The following TOX2 variants were observed in gnomAD, a reference collection of about 807,000 sequenced individuals.
The protein encoded by TOX2 is granulosa cell HMG box 1.
TOX2 carries 15 observed loss-of-function variants against 47.4 expected under a neutral mutation model. The ratio of observed to expected loss-of-function variants is 0.32; its 90% CI spans 0.21 to 0.49. The LOEUF (loss-of-function observed/expected upper bound fraction) is 0.49, where lower values mean the gene tolerates loss of function less well. Ranked by LOEUF, TOX2 falls within the 20% of genes least tolerant of loss-of-function variation. The pLI is 0.99. For missense variants in TOX2, 622 were observed against 673.1 expected (o/e 0.92, Z 0.84); for synonymous variants, 290 against 296.6 (o/e 0.98, Z 0.23).
At chr20:43,945,961 C>G (rs1397155590) in intron 1 of TOX2, 1 of 1,614,098 alleles carries the variant, frequency 6.2e-7, no homozygotes, top group Non-Finnish European at 8.5e-7. Context: ...CTCTCGCTGC[C>G]TGGGCTTCTG....
At chr20:43,985,085 T>C (rs552496020) in intron 2 of TOX2, among the ~76,000 whole-genome samples, 7 of 152,196 alleles carry the variant, frequency 4.6e-5, no homozygotes, top group Non-Finnish European at 1.0e-4. Flanking sequence ...ACTGGGTTCT[T>C]ATCTTCTGGA....
intron 1 of TOX2, among the ~76,000 whole-genome samples, chr20:43,934,672 T>C (rs1436045307): frequency 2.0e-5 from 3 of 152,032 alleles, no homozygotes; most frequent in Non-Finnish European, 4.4e-5. Flanking sequence ...CATGGAGGGC[T>C]TTGGGGCAGG....
intron 1 of TOX2, among the ~76,000 whole-genome samples, chr20:43,940,475 C>T (rs148316924): frequency 3.3e-5 from 5 of 151,758 alleles, no homozygotes; most frequent in African/African-American, 4.8e-5. Context: ...CCTCCCATCT[C>T]GGCCTCACAA....
rs764418226 is a variant in TOX2, at chr20:44,066,738, G to A, written c.1365G>A (p.Pro455=). Residue 455 remains proline, a synonymous_variant, in exon 8 of 9, where the codon CCG becomes CCA. Transcript: ENST00000341197. ...SPSPPGPQDF[P]HISEFPSSSG... is the part of the protein sequence containing the mutation. ...TCCTTCCCACTCTGTAGGACTTCCC[G>A]CACATCTCTGAGTTCCCCAGCAGCT... 46 of 1,614,066 alleles carry A rather than the reference G, an allele frequency of 2.8e-5. No individual in the cohort carries two copies. Among genetic ancestry groups the A allele is most frequent in the Middle Eastern group, 1.7e-4 (1 of 6,060 alleles).
chr20:43,957,793 C>T (rs756257851), intron 1 of TOX2, among the ~76,000 whole-genome samples: 1 of 152,050 alleles, frequency 6.6e-6, no homozygotes, highest in Non-Finnish European at 1.5e-5. Context: ...CTGGGGAGGT[C>T]TCAGAAAACT....
chr20:44,036,549 C>G (rs1317988583), intron 3 of TOX2, among the ~76,000 whole-genome samples: 1 of 152,272 alleles, frequency 6.6e-6, no homozygotes, highest in Non-Finnish European at 1.5e-5. Context: ...CTACCTGCCA[C>G]ATAAAGGATA....
chr20:43,959,025 T>C (rs918267358), intron 1 of TOX2, among the ~76,000 whole-genome samples: 24 of 152,340 alleles, frequency 1.6e-4, no homozygotes, highest in African/African-American at 5.8e-4. Flanking sequence ...ACTGCCCTCC[T>C]GGGTCTCCAG....
intron 7 of TOX2, among the ~76,000 whole-genome samples, 199 bp from the exon 8 acceptor site, chr20:44,066,531 T>A (rs1394604534): frequency 2.6e-5 from 4 of 152,182 alleles, no homozygotes; most frequent in African/African-American, 9.7e-5. Context: ...GAAAGCCAAG[T>A]CCTTCAGCCC....
intron 3 of TOX2, chr20:44,007,515 G>C (rs752090124): frequency 6.6e-6 from 1 of 152,232 alleles, no homozygotes; most frequent in Non-Finnish European, 1.5e-5. Flanking sequence ...ACTGCACTCC[G>C]GGCATCATGG....
At chr20:43,957,107 G>A (rs186068887) in intron 1 of TOX2, among the ~76,000 whole-genome samples, 20 of 152,274 alleles carry the variant, frequency 1.3e-4, no homozygotes, top group South Asian at 1.0e-3. Flanking sequence ...TGATTGCTTC[G>A]AGGGCTGAAG....
At chr20:43,958,519 G>A (rs1172628370) in intron 1 of TOX2, among the ~76,000 whole-genome samples, 1 of 152,126 alleles carries the variant, frequency 6.6e-6, no homozygotes, top group East Asian at 1.9e-4. Context: ...CTCCACCTTA[G>A]TGCTTTATCA....
chr20:43,972,074 C>T (rs1317190197), intron 1 of TOX2, among the ~76,000 whole-genome samples: 1 of 152,192 alleles, frequency 6.6e-6, no homozygotes, highest in Non-Finnish European at 1.5e-5. Flanking sequence ...ACTCAGAACC[C>T]TTTACTGACC....
chr20:44,022,302 T>C (rs779426589), intron 3 of TOX2, among the ~76,000 whole-genome samples: 34 of 152,302 alleles, frequency 2.2e-4, no homozygotes, highest in Middle Eastern at 3.4e-3. Flanking sequence ...CTCTGAACTT[T>C]AGTGTTTTTT....
Position 44,040,492 on chromosome 20 carries a change from G to A in TOX2, c.412-10814G>A, listed in dbSNP as rs149779366. Among the ~76,000 whole-genome samples, 193 of 152,228 alleles carry A rather than the reference G, an allele frequency of 1.3e-3. 2 individuals carry two copies. Among genetic ancestry groups the A allele is most frequent in the Middle Eastern group, 0.01 (3 of 294 alleles). ...AAGGCATCATAACTTAGGGAGGAGGGTGATACTTTGGAGAAGCTCAACTCC... is the reference window on the plus strand; with the variant it reads ...AAGGCATCATAACTTAGGGAGGAGGATGATACTTTGGAGAAGCTCAACTCC... On this transcript the variant is annotated intron_variant, in intron 3 of 8. Transcript: ENST00000341197.
chr20:43,945,868 T>A (rs373818119), intron 1 of TOX2: 2 of 1,604,886 alleles, frequency 1.2e-6, no homozygotes, highest in Non-Finnish European at 1.7e-6. Flanking sequence ...GGAGGGCTTA[T>A]AAAGCTTGCT....
In TOX2 at chr20:44,066,863, T is replaced by G; in HGVS notation, c.1484+6T>G. On this transcript the variant is annotated splice_donor_region_variant and intron_variant, in intron 8 of 8. Coordinates refer to ENST00000341197, the MANE Select transcript of TOX2 (RefSeq NM_001098797.2). The stretch of plus-strand genomic sequence containing the variant: ...TGTGGCATCAGCACCTGCAGGTTAG[T>G]CCTCGCCCGTCCCTGCCTTTGTCCT... The G allele has an allele frequency of 6.2e-7, 1 of 1,609,986 alleles. No homozygotes were observed. The highest frequency in any genetic ancestry group is 8.5e-7 in the Non-Finnish European group (1 of 1,177,608).
chr20:43,950,718 G>A lies in TOX2; in HGVS notation c.100-22649G>A, dbSNP rs557322515. 2.8e-4 allele frequency among the ~76,000 whole-genome samples: 43 copies of A among 151,874 alleles called. 1 individual carries two copies. The South Asian group carries it at 7.9e-3, about 28-fold the overall frequency. ...TTTAAACGTGCATACCCTCCATCTC[G>A]ACATTCCCAATACCCCTCACCTGCT... On this transcript the variant is annotated intron_variant, in intron 1 of 8. Coordinates refer to ENST00000341197, the MANE Select transcript of TOX2 (RefSeq NM_001098797.2).
intron 3 of TOX2, among the ~76,000 whole-genome samples, chr20:44,033,651 A>G (rs1569117307): frequency 6.6e-6 from 1 of 151,964 alleles, no homozygotes; most frequent in Non-Finnish European, 1.5e-5. Flanking sequence ...ATGTGGGGCC[A>G]CAAGCCAAGG....
chr20:44,058,124 T>C (rs117146269), intron 5 of TOX2, among the ~76,000 whole-genome samples: 5,744 of 152,290 alleles, frequency 0.038, 177 homozygotes, highest in South Asian at 0.14. Context: ...CACAGACACT[T>C]TGAAGGATGT....
Sources: gnomAD v4.1 joint callset for allele counts (sites outside exome capture counted in the v4.1 genomes callset) on GRCh38, gnomAD v4.1.1 for gene constraint, MANE v1.5 for transcripts, NCBI Gene and HGNC (gene_info 2026-07-23, HGNC 2026-07-21) for gene names.